The following CNTLN variants were observed in gnomAD, a reference collection of about 807,000 sequenced individuals.
CNTLN encodes centlein, centrosomal protein.
In CNTLN, 212 loss-of-function variants were observed where a neutral mutation model predicts 180.0. That is an observed-to-expected ratio of 1.18 (90% CI 1.05 to 1.32). The LOEUF (loss-of-function observed/expected upper bound fraction) is 1.32. Among genes scored for constraint, CNTLN ranks in the 40% most tolerant of loss-of-function variants. CNTLN has a pLI of 0.00. For synonymous variants in CNTLN, 722 were observed against 563.1 expected (o/e 1.28, Z -3.99); for missense variants, 2,095 against 1,610.9 (o/e 1.30, Z -5.14).
chr9:17,378,907 T>C (rs1824999152), intron 13 of CNTLN, among the ~76,000 whole-genome samples: 1 of 152,236 alleles, frequency 6.6e-6, no homozygotes, highest in Non-Finnish European at 1.5e-5. Context: ...TTATCTTCTT[T>C]CTGCCTGAAG....
chr9:17,217,798 A>G (rs1239617893), intron 2 of CNTLN, among the ~76,000 whole-genome samples: 1 of 152,240 alleles, frequency 6.6e-6, no homozygotes, highest in African/African-American at 2.4e-5. Context: ...TAGTTAAAAG[A>G]GATGAAATAT....
rs533622307 is a variant in CNTLN, at chr9:17,213,524, T to C, written c.450-12679T>C. Among the ~76,000 whole-genome samples, 3 of 152,356 alleles carry C rather than the reference T, an allele frequency of 2.0e-5. No individual in the cohort carries two copies. In the South Asian group the frequency reaches 6.2e-4, roughly 32 times the overall value. ...GTGCGATGTGGTGCTGAGAAGCATGTATATTCTGTTGACTTGGGGTGAAGA... is the reference window on the plus strand; with the variant it reads ...GTGCGATGTGGTGCTGAGAAGCATGCATATTCTGTTGACTTGGGGTGAAGA... On this transcript the variant is annotated intron_variant, in intron 2 of 25. Transcript: ENST00000380647.
At chr9:17,245,938 C>A (rs1333121160) in intron 5 of CNTLN, among the ~76,000 whole-genome samples, 1 of 151,940 alleles carries the variant, frequency 6.6e-6, no homozygotes, top group Non-Finnish European at 1.5e-5. Flanking sequence ...ATTCTTAATT[C>A]CTTATCTGTG....
chr9:17,383,478 C>T (rs1018407318), intron 13 of CNTLN, among the ~76,000 whole-genome samples: 3 of 151,664 alleles, frequency 2.0e-5, no homozygotes, highest in African/African-American at 7.3e-5. Context: ...CACGCCACTG[C>T]ATTCCAGCCT....
chr9:17,488,084 C>G (rs775893495), intron 25 of CNTLN, among the ~76,000 whole-genome samples: 4 of 152,166 alleles, frequency 2.6e-5, no homozygotes, highest in Non-Finnish European at 4.4e-5. Flanking sequence ...AAAATAGAAA[C>G]TGATATTAAA....
At chr9:17,492,854 G>T (rs558359604) in intron 25 of CNTLN, among the ~76,000 whole-genome samples, 1 of 152,140 alleles carries the variant, frequency 6.6e-6, no homozygotes, top group Admixed American at 6.6e-5. Context: ...ACCGATGAAT[G>T]AATGGATAAA....
At chr9:17,396,175 A>G (rs1826506310) in intron 15 of CNTLN, among the ~76,000 whole-genome samples, 1 of 152,232 alleles carries the variant, frequency 6.6e-6, no homozygotes. Context: ...TCGTCAAGAA[A>G]TAACCATAAA....
chr9:17,375,669 T>A (rs1023873485), intron 13 of CNTLN, among the ~76,000 whole-genome samples: 1 of 152,190 alleles, frequency 6.6e-6, no homozygotes, highest in Non-Finnish European at 1.5e-5. Flanking sequence ...ATATTTTGGT[T>A]AGGCATTACA....
chr9:17,267,458 G>C (rs1341428481), intron 5 of CNTLN, among the ~76,000 whole-genome samples: 1 of 152,052 alleles, frequency 6.6e-6, no homozygotes, highest in African/African-American at 2.4e-5. Flanking sequence ...CTTTCTCTCT[G>C]GCTGCCCTTA....
At chr9:17,410,464 A>G (rs1353603053) in intron 16 of CNTLN, among the ~76,000 whole-genome samples, 2 of 152,102 alleles carry the variant, frequency 1.3e-5, no homozygotes. Flanking sequence ...TGTATTGTAG[A>G]TATCTTTTCC....
intron 18 of CNTLN, among the ~76,000 whole-genome samples, chr9:17,430,917 TG>T (rs1442847632): frequency 6.6e-6 from 1 of 152,304 alleles, no homozygotes; most frequent in African/African-American, 2.4e-5. Context: ...TATTCTATTG[TG>T]TATATATATC....
intron 25 of CNTLN, among the ~76,000 whole-genome samples, chr9:17,492,282 T>TTTCC (rs1472031312): frequency 4.0e-5 from 6 of 151,736 alleles, no homozygotes; most frequent in Non-Finnish European, 8.8e-5. Flanking sequence ...TCTTTCTTTC[T>TTTCC]TTCTTATTTT....
At chr9:17,426,548 AAT>A (rs1829096109) in intron 18 of CNTLN, among the ~76,000 whole-genome samples, 1 of 151,762 alleles carries the variant, frequency 6.6e-6, no homozygotes, top group African/African-American at 2.4e-5. Context: ...ACATGTATAT[AAT>A]ATATATACAT....
chr9:17,335,731 A>G (rs1363578260), intron 10 of CNTLN, among the ~76,000 whole-genome samples: 2 of 152,006 alleles, frequency 1.3e-5, no homozygotes, highest in Non-Finnish European at 2.9e-5. Context: ...TGAGGCCAGG[A>G]GTTCAAGACC....
chr9:17,523,533 A>T, the CNTLN span, among the ~76,000 whole-genome samples: 1 of 152,116 alleles, frequency 6.6e-6, no homozygotes, highest in African/African-American at 2.4e-5. Flanking sequence ...CACCATGCCC[A>T]GCCCATGTAT....
intron 15 of CNTLN, among the ~76,000 whole-genome samples, chr9:17,406,573 T>C (rs1827409296): frequency 6.6e-6 from 1 of 151,766 alleles, no homozygotes; most frequent in Admixed American, 6.6e-5. Flanking sequence ...TTACCTCCCA[T>C]AATTTGGATT....
intron 8 of CNTLN, among the ~76,000 whole-genome samples, chr9:17,314,000 C>G (rs1819380354): frequency 6.6e-6 from 1 of 152,100 alleles, no homozygotes; most frequent in Non-Finnish European, 1.5e-5. Flanking sequence ...TCCTGAAGTG[C>G]TAGGATTACA....
chr9:17,432,287 A>G, intron 18 of CNTLN, among the ~76,000 whole-genome samples: 1 of 152,246 alleles, frequency 6.6e-6, no homozygotes, highest in Non-Finnish European at 1.5e-5. Flanking sequence ...TTTGTAAAGC[A>G]CAAGAAATTA....
Position 17,394,530 on chromosome 9 carries a change from T to G in CNTLN, c.2080-4T>G. The G allele has an allele frequency of 6.6e-7, 1 of 1,523,130 alleles. No homozygotes were observed. The highest frequency in any genetic ancestry group is 8.9e-7 in the Non-Finnish European group (1 of 1,125,556). 94.4% of individuals were successfully genotyped at this position (1,523,130 alleles called of 1,614,324 possible). A position where few individuals can be genotyped will look rare whatever the true frequency, so the allele number is the denominator to read the frequency against. On this transcript the variant is annotated splice_polypyrimidine_tract_variant and splice_region_variant and intron_variant, in intron 14 of 25. Transcript: ENST00000380647. ...TTCTTAAAAGAATAAACTCTTTCCTTTAGGTCACTGAGTTGGAAAATCGGC... is the reference window on the plus strand; with the variant it reads ...TTCTTAAAAGAATAAACTCTTTCCTGTAGGTCACTGAGTTGGAAAATCGGC...
Sources: allele counts gnomAD v4.1 joint callset (sites outside exome capture counted in the v4.1 genomes callset), GRCh38; gene constraint gnomAD v4.1.1; transcripts MANE v1.5; gene names NCBI Gene and HGNC (gene_info 2026-07-23, HGNC 2026-07-21).